The following NYX variants were observed in gnomAD, a reference collection of about 807,000 sequenced individuals.
The protein encoded by NYX is leucine-rich repeat protein.
For missense variants in NYX, 481 were observed against 485.4 expected (o/e 0.99, Z 0.09); for synonymous variants, 258 against 245.7 (o/e 1.05, Z -0.47).
Position 41,475,188 on chromosome X carries a change from C to G in NYX, c.*289C>G, listed in dbSNP as rs972982122. 2.7e-6 allele frequency: 1 copy of G among 376,830 alleles called. No individual in the cohort carries two copies. Among genetic ancestry groups the G allele is most frequent in the African/African-American group, 2.6e-5 (1 of 39,103 alleles). 31.1% of individuals were successfully genotyped at this position (376,830 alleles called of 1,213,427 possible). A position where few individuals can be genotyped will look rare whatever the true frequency, so the allele number is the denominator to read the frequency against. ...CGGAAGCTTCTAGGGCTTCACATCC[C>G]TTCCCCTCCCCTCCCCTTCCCCTCA... On this transcript the variant is annotated 3_prime_UTR_variant, in exon 3 of 3. Coordinates refer to ENST00000378220, the MANE Select transcript of NYX (RefSeq NM_001378477.3).
At position 41,475,022 on chromosome X, in the gene NYX, C is replaced by A; in HGVS notation, c.*123C>A. ...GGAGGGTGGAAGGAACCGTTTGCCT[C>A]CAGAGATGGCCCCAGGGAGAACACA... On this transcript the variant is annotated 3_prime_UTR_variant, in exon 3 of 3. Transcript: ENST00000378220. The A allele has an allele frequency of 1.6e-6, 1 of 618,998 alleles. No homozygotes were observed. The allele number at this position is 618,998 out of a possible 1,213,427, so 51.0% of individuals were successfully genotyped here. A position where few individuals can be genotyped will look rare whatever the true frequency, so the allele number is the denominator to read the frequency against.
At chrX:41,452,979 A>G (rs1240427222) in intron 2 of NYX, among the ~76,000 whole-genome samples, 1 of 112,088 alleles carries the variant, frequency 8.9e-6, no homozygotes, top group Non-Finnish European at 1.9e-5. Context: ...AGCATTTGCC[A>G]AGAATGGAAG....
chrX:41,464,530 C>T (rs2064331618), intron 2 of NYX, among the ~76,000 whole-genome samples: 1 of 112,122 alleles, frequency 8.9e-6, no homozygotes, highest in Non-Finnish European at 1.9e-5. Context: ...GTTAGGATTT[C>T]AACACATAAA....
At chrX:41,471,136 A>G (rs1338750353) in intron 2 of NYX, among the ~76,000 whole-genome samples, 2 of 110,984 alleles carry the variant, frequency 1.8e-5, no homozygotes, top group Non-Finnish European at 3.8e-5. Context: ...GGGGGGATGG[A>G]GTTTCACTCT....
intron 2 of NYX, among the ~76,000 whole-genome samples, chrX:41,450,828 AT>A (rs745395959): frequency 0.034 from 2,282 of 67,259 alleles, 39 homozygotes; most frequent in African/African-American, 0.04. Flanking sequence ...ATATATATAT[AT>A]TTTTTTTTTT....
At chrX:41,460,172 T>TC (rs1555965610) in intron 2 of NYX, among the ~76,000 whole-genome samples, 1 of 107,141 alleles carries the variant, frequency 9.3e-6, no homozygotes, top group Non-Finnish European at 1.9e-5. Flanking sequence ...TCTTTTTCTT[T>TC]TTTTTTTTTT....
rs1279391090 is a variant in NYX at position 41,474,742 on chromosome X, C to T, written c.1274C>T (p.Ala425Val). The T allele has an allele frequency of 3.4e-6, 4 of 1,192,771 alleles. No individual in the cohort carries two copies. The highest frequency in any genetic ancestry group is 3.7e-5 in the South Asian group (2 of 54,437). The change falls in exon 3 of 3, where the codon GCG becomes GTG. Residue 425 changes from alanine to valine, a missense_variant. Ala to Val is a moderately conservative substitution (Grantham distance 64, BLOSUM62 0). Coordinates refer to ENST00000378220, the MANE Select transcript of NYX (RefSeq NM_001378477.3). ...LLAPRVPVEE[A>V]ANTTGGLANA... is the part of the protein sequence containing the mutation. ...GCCCCGAGGGTCCCGGTGGAGGAGG[C>T]GGCCAACACCACTGGGGGGCTGGCC...
intron 2 of NYX, among the ~76,000 whole-genome samples, chrX:41,453,461 T>G (rs1176720818): frequency 2.1e-5 from 2 of 95,323 alleles, no homozygotes; most frequent in African/African-American, 9.0e-5. Context: ...TTCTTCTTCT[T>G]TTTTTTTTTT....
At chrX:41,459,099 A>G (rs1231504211) in intron 2 of NYX, among the ~76,000 whole-genome samples, 2 of 111,273 alleles carry the variant, frequency 1.8e-5, no homozygotes, top group Non-Finnish European at 3.8e-5. Flanking sequence ...CAACAACAAC[A>G]ACAACAAAGT....
intron 2 of NYX, among the ~76,000 whole-genome samples, chrX:41,469,397 C>T (rs897962945): frequency 6.3e-5 from 7 of 110,573 alleles, no homozygotes; most frequent in African/African-American, 9.9e-5. Flanking sequence ...ATCTGGGTAC[C>T]GTTTGCTCTC....
intron 2 of NYX, among the ~76,000 whole-genome samples, chrX:41,464,148 C>CTTT (rs141248938): frequency 4.1e-5 from 4 of 98,582 alleles, no homozygotes; most frequent in East Asian, 3.2e-4. Context: ...TAATCCCATT[C>CTTT]TTTTTTTTTT....
At chrX:41,454,602 C>T (rs751463240) in intron 2 of NYX, among the ~76,000 whole-genome samples, 16 of 109,062 alleles carry the variant, frequency 1.5e-4, no homozygotes, top group South Asian at 8.0e-4. Context: ...TGAGCCACTG[C>T]GCCCGGCTGA....
At chrX:41,461,336 C>T (rs1053169745) in intron 2 of NYX, among the ~76,000 whole-genome samples, 6 of 107,191 alleles carry the variant, frequency 5.6e-5, no homozygotes, top group African/African-American at 6.8e-5. Flanking sequence ...CAGGTTGCTG[C>T]GAATGCCATT....
rs1193259463 is a variant in NYX at position 41,473,492 on chromosome X, G to A, written c.24G>A (p.Ala8=). 9.2e-6 allele frequency: 9 copies of A among 974,353 alleles called. No individual in the cohort carries two copies. In the South Asian group the frequency reaches 2.7e-4, roughly 29 times the overall value. 80.3% of individuals were successfully genotyped at this position (974,353 alleles called of 1,213,427 possible). A position where few individuals can be genotyped will look rare whatever the true frequency, so the allele number is the denominator to read the frequency against. The part of the protein sequence containing the change: MLVLLLH[A]VVLGLPSAWA... ...CTCCCCACCACCCTGTCCCCGCAGCGGTGGTCCTCGGCCTGCCCAGCGCCT... is the reference window on the plus strand; with the variant it reads ...CTCCCCACCACCCTGTCCCCGCAGCAGTGGTCCTCGGCCTGCCCAGCGCCT... The change falls in exon 3 of 3, where the codon GCG becomes GCA. Residue 8 remains alanine (A), a splice_region_variant and synonymous_variant. Transcript: ENST00000378220.
intron 2 of NYX, chrX:41,472,162 C>T (rs975639092): frequency 2.3e-5 from 10 of 433,664 alleles, no homozygotes; most frequent in Non-Finnish European, 3.9e-5. Flanking sequence ...TCCAAGGGAG[C>T]TCATAACTCC....
intron 2 of NYX, among the ~76,000 whole-genome samples, chrX:41,467,845 A>G (rs1271526560): frequency 9.2e-6 from 1 of 108,956 alleles, no homozygotes; most frequent in Admixed American, 9.9e-5. Context: ...TTTTATAGAG[A>G]TAGGGGTCTC....
chrX:41,470,109 G>A (rs1233283851), intron 2 of NYX, among the ~76,000 whole-genome samples: 2 of 107,323 alleles, frequency 1.9e-5, no homozygotes, highest in Non-Finnish European at 3.8e-5. Flanking sequence ...TTTAGTGACT[G>A]TTACAGAAAA....
intron 2 of NYX, among the ~76,000 whole-genome samples, chrX:41,449,603 T>C (rs1257947961): frequency 1.8e-5 from 2 of 110,815 alleles, no homozygotes; most frequent in Non-Finnish European, 3.8e-5. Context: ...GAAACTTGAT[T>C]GACTCATTGG....
At chrX:41,469,744 A>G (rs919445159) in intron 2 of NYX, among the ~76,000 whole-genome samples, 13 of 109,575 alleles carry the variant, frequency 1.2e-4, no homozygotes, top group Admixed American at 7.8e-4. Flanking sequence ...ACAGGGTTTC[A>G]CCATGTTGGC....
Sources: allele counts gnomAD v4.1 joint callset (sites outside exome capture counted in the v4.1 genomes callset), GRCh38; gene constraint gnomAD v4.1.1; transcripts MANE v1.5; gene names NCBI Gene and HGNC (gene_info 2026-07-23, HGNC 2026-07-21).